Variants in MID1 observed in about 807,000 individuals in gnomAD.
MID1 encodes E3 ubiquitin-protein ligase Midline-1.
In MID1, 7 loss-of-function variants were observed where a neutral mutation model predicts 40.4. The observed-to-expected ratio is 0.17, with a 90% CI of 0.10 to 0.33. The LOEUF is 0.33. Ranked by LOEUF, MID1 falls within the 10% of genes least tolerant of loss-of-function variation. The pLI is 1.00. For missense variants in MID1, 367 were observed against 558.5 expected (o/e 0.66, Z 3.46); for synonymous variants, 229 against 221.2 (o/e 1.04, Z -0.31).
intron 3 of MID1, among the ~76,000 whole-genome samples, chrX:10,511,009 C>A (rs1356414394): frequency 9.1e-6 from 1 of 109,477 alleles, no homozygotes; most frequent in Non-Finnish European, 1.9e-5. Context: ...CTTTGGGAGG[C>A]CAAGGCGGGC....
chrX:10,693,733 G>A (rs1472092838), intron 1 of MID1, among the ~76,000 whole-genome samples: 1 of 111,828 alleles, frequency 8.9e-6, no homozygotes, highest in Non-Finnish European at 1.9e-5. Context: ...CCTTCCACAA[G>A]TATTTATCAA....
intron 3 of MID1, among the ~76,000 whole-genome samples, chrX:10,516,624 G>A (rs1333474002): frequency 1.1e-4 from 12 of 105,165 alleles, no homozygotes; most frequent in South Asian, 4.4e-4. Flanking sequence ...GCGCGCACGC[G>A]TGTGTTTTAA....
At chrX:10,584,412 G>A (rs1287852575) in intron 1 of MID1, among the ~76,000 whole-genome samples, 2 of 112,050 alleles carry the variant, frequency 1.8e-5, no homozygotes. Flanking sequence ...GGGATGGACA[G>A]GAAGGAAATG....
At chrX:10,679,877 G>A (rs2043047745) in intron 1 of MID1, among the ~76,000 whole-genome samples, 1 of 112,059 alleles carries the variant, frequency 8.9e-6, no homozygotes, top group Admixed American at 9.5e-5. Context: ...ATGAAACAAT[G>A]AAAACAAATG....
At chrX:10,617,586 T>A (rs1315519506) in intron 1 of MID1, among the ~76,000 whole-genome samples, 1 of 112,078 alleles carries the variant, frequency 8.9e-6, no homozygotes, top group African/African-American at 3.2e-5. Flanking sequence ...ACAAAATATG[T>A]CTAGTAGGCA....
chrX:10,782,421 T>C (rs747232874), intron 1 of MID1, among the ~76,000 whole-genome samples: 1 of 111,719 alleles, frequency 9.0e-6, no homozygotes, highest in East Asian at 2.8e-4. Context: ...CTTCCTATGA[T>C]TTAGATTACA....
intron 2 of MID1, among the ~76,000 whole-genome samples, chrX:10,555,845 C>T (rs1424407220): frequency 3.6e-5 from 4 of 110,592 alleles, no homozygotes; most frequent in African/African-American, 6.6e-5. Flanking sequence ...ACGATGATAC[C>T]GCTATTCTAG....
At chrX:10,794,741 T>G (rs965369093) in intron 1 of MID1, among the ~76,000 whole-genome samples, 11 of 112,413 alleles carry the variant, frequency 9.8e-5, no homozygotes, top group Non-Finnish European at 1.9e-4. Flanking sequence ...TGTGGACGAT[T>G]TCCTTTCTTT....
intron 1 of MID1, among the ~76,000 whole-genome samples, chrX:10,748,011 G>T (rs2043571517): frequency 9.1e-6 from 1 of 109,404 alleles, no homozygotes; most frequent in African/African-American, 3.3e-5. Flanking sequence ...TCAATCTTCT[G>T]GGATCCATTT....
intron 9 of MID1, among the ~76,000 whole-genome samples, chrX:10,452,004 C>T (rs1374415271): frequency 8.9e-6 from 1 of 112,099 alleles, no homozygotes; most frequent in Non-Finnish European, 1.9e-5. Context: ...AATACTATTT[C>T]CGCTTTTCAG....
intron 1 of MID1, among the ~76,000 whole-genome samples, chrX:10,731,303 C>T (rs961029759): frequency 7.2e-5 from 8 of 111,273 alleles, no homozygotes; most frequent in Admixed American, 3.8e-4. Flanking sequence ...AAAAGCAAAG[C>T]GAAACAAAAT....
At chrX:10,642,390 T>A (rs768650240) in intron 1 of MID1, among the ~76,000 whole-genome samples, 1 of 109,885 alleles carries the variant, frequency 9.1e-6, no homozygotes, top group South Asian at 3.8e-4. Flanking sequence ...GAGAGCCAAA[T>A]CATGAGTGAA....
intron 1 of MID1, among the ~76,000 whole-genome samples, chrX:10,684,549 G>A (rs868089900): frequency 9.2e-5 from 10 of 108,237 alleles, no homozygotes; most frequent in African/African-American, 2.4e-4. Flanking sequence ...GACTACAGGC[G>A]TGTGCCACCA....
At chrX:10,515,979 A>G (rs964361585) in intron 3 of MID1, among the ~76,000 whole-genome samples, 1 of 111,644 alleles carries the variant, frequency 9.0e-6, no homozygotes, top group African/African-American at 3.3e-5. Context: ...TAGAAAAGTT[A>G]AGTTCTACAG....
intron 2 of MID1, 116 bp from the exon 3 acceptor site, chrX:10,523,303 G>T: frequency 7.6e-6 from 4 of 526,843 alleles, no homozygotes; most frequent in Non-Finnish European, 1.3e-5. Context: ...AAACCTTAGT[G>T]AAATCGACAT....
chrX:10,455,453 G>C (rs1262441783), intron 8 of MID1, among the ~76,000 whole-genome samples: 1 of 111,506 alleles, frequency 9.0e-6, no homozygotes, highest in Admixed American at 9.6e-5. Flanking sequence ...CATGGATAAG[G>C]CTTAGCCAGA....
At chrX:10,813,087 G>A (rs1177560047) in intron 1 of MID1, among the ~76,000 whole-genome samples, 1 of 110,647 alleles carries the variant, frequency 9.0e-6, no homozygotes, top group Non-Finnish European at 1.9e-5. Context: ...ATTCCATTGT[G>A]TCAGAGCCTT....
chrX:10,825,131 G>A (rs1225823510), intron 1 of MID1, among the ~76,000 whole-genome samples: 1 of 111,958 alleles, frequency 8.9e-6, no homozygotes, highest in African/African-American at 3.2e-5. Flanking sequence ...ATACAGTTCA[G>A]TTCTAAAATA....
intron 1 of MID1, among the ~76,000 whole-genome samples, chrX:10,699,533 T>C (rs1347985851): frequency 8.9e-6 from 1 of 111,754 alleles, no homozygotes; most frequent in Non-Finnish European, 1.9e-5. Context: ...CACATTGGAC[T>C]CATCACTTGT....
Sources: gnomAD v4.1 joint callset for allele counts (sites outside exome capture counted in the v4.1 genomes callset) on GRCh38, gnomAD v4.1.1 for gene constraint, MANE v1.5 for transcripts, NCBI Gene and HGNC (gene_info 2026-07-23, HGNC 2026-07-21) for gene names.